The following TINAG variants were observed in gnomAD, a reference collection of about 807,000 sequenced individuals.
TINAG encodes the protein tubulointerstitial nephritis antigen.
In TINAG, 83 loss-of-function variants were observed where a neutral mutation model predicts 72.7. The observed-to-expected ratio is 1.14, with a 90% CI of 0.96 to 1.37. TINAG has a LOEUF of 1.37. TINAG is among the 40% of genes most tolerant of loss of function. The probability of loss-of-function intolerance (pLI) is 0.00; values close to 1 mark genes in which losing one functional copy is unlikely to be tolerated. For synonymous variants in TINAG, 234 were observed against 189.9 expected, an observed-to-expected ratio of 1.23 and a Z score of -1.91; for missense variants, 685 against 576.6, an observed-to-expected ratio of 1.19 and a Z score of -1.93.
chr6:54,325,377 A>G (rs1784580246), intron 3 of TINAG, among the ~76,000 whole-genome samples: 1 of 152,190 alleles, frequency 6.6e-6, no homozygotes, highest in African/African-American at 2.4e-5. Flanking sequence ...TAAATGCTAA[A>G]TTGGATTAAA....
chr6:54,347,330 A>G (rs375073222), intron 5 of TINAG, 37 bp from the exon 6 acceptor site: 3 of 1,606,448 alleles, frequency 1.9e-6, no homozygotes, highest in Non-Finnish European at 2.6e-6. Flanking sequence ...AATACCGTGT[A>G]TCATTTCAAT....
intron 3 of TINAG, among the ~76,000 whole-genome samples, chr6:54,322,028 G>A (rs1189751375): frequency 2.0e-5 from 3 of 152,130 alleles, no homozygotes; most frequent in Non-Finnish European, 2.9e-5. Flanking sequence ...CTGGCCCGGC[G>A]AGGTGGCTTA....
In TINAG at chr6:54,381,119, C is replaced by CTATAGGATATATA. The variant is rs1489242606; in HGVS notation, c.1296+550_1296+551insTAGGATATATATA. Reference sequence around the variant, plus strand: ...GATAGGATATATATGTATATGTAACCTACAGGATATATATACACACATATG... The same window carrying CTATAGGATATATA: ...GATAGGATATATATGTATATGTAACCTATAGGATATATATACAGGATATATATACACACATATG... On this transcript the variant is annotated intron_variant, in intron 10 of 10. Coordinates refer to ENST00000259782, the MANE Select transcript of TINAG (RefSeq NM_014464.4). Among the ~76,000 whole-genome samples the CTATAGGATATATA allele has an allele frequency of 1.5e-3, 219 of 148,494 alleles. 5 individuals are homozygous for CTATAGGATATATA. Among genetic ancestry groups the CTATAGGATATATA allele is most frequent in the African/African-American group, 5.0e-3 (201 of 40,560 alleles).
chr6:54,347,672 T>C (rs1166995693), intron 6 of TINAG, among the ~76,000 whole-genome samples, 155 bp downstream of exon 6: 3 of 152,278 alleles, frequency 2.0e-5, no homozygotes, highest in African/African-American at 7.2e-5. Flanking sequence ...AAATGTATAC[T>C]ATATTTCTTA....
chr6:54,320,528 A>T, intron 1 of TINAG, 51 bp from the exon 2 acceptor site: 3 of 1,407,702 alleles, frequency 2.1e-6, no homozygotes, highest in East Asian at 2.3e-5. Flanking sequence ...ATGTTAATGC[A>T]CTTTATTACT....
chr6:54,308,473 C>A lies in TINAG; in HGVS notation c.-78C>A. ...CTGAAGTGTCTTAATGACTAGAATTCAGGTTCCAAGGAGAAGCCCACAAGG... is the reference window on the plus strand; with the variant it reads ...CTGAAGTGTCTTAATGACTAGAATTAAGGTTCCAAGGAGAAGCCCACAAGG... On this transcript the variant is annotated 5_prime_UTR_variant, in exon 1 of 11. Transcript: ENST00000259782. The A allele has an allele frequency of 1.6e-6, 2 of 1,238,094 alleles. No individual in the cohort carries two copies. The highest frequency in any genetic ancestry group is 2.4e-5 in the Admixed American group (1 of 41,216). 76.7% of individuals were successfully genotyped at this position (1,238,094 alleles called of 1,614,324 possible).
intron 4 of TINAG, among the ~76,000 whole-genome samples, chr6:54,334,969 CT>C (rs1220095291): frequency 6.6e-6 from 1 of 151,194 alleles, no homozygotes; most frequent in Non-Finnish European, 1.5e-5. Flanking sequence ...TGTTTTATTT[CT>C]CATTTTTGTT....
intron 7 of TINAG, among the ~76,000 whole-genome samples, 166 bp downstream of exon 7, chr6:54,350,062 T>C (rs903689346): frequency 6.6e-6 from 1 of 152,036 alleles, no homozygotes; most frequent in Non-Finnish European, 1.5e-5. Context: ...AGTTTGGGTA[T>C]GATGTCTTAT....
Position 54,357,464 on chromosome 6 carries a change from G to A in TINAG, c.1250+2828G>A, listed in dbSNP as rs1446759052. The stretch of plus-strand genomic sequence containing the variant: ...ATCATCACCTGGATACCTTATTAGG[G>A]AGTAAATGCTTCAAATTCAACACTT... On this transcript the variant is annotated intron_variant, in intron 9 of 10. Coordinates refer to ENST00000259782, the MANE Select transcript of TINAG (RefSeq NM_014464.4). 4.6e-5 allele frequency among the ~76,000 whole-genome samples: 7 copies of A among 151,970 alleles called. No individual in the cohort carries two copies. The East Asian group carries it at 1.4e-3, about 30-fold the overall frequency.
intron 8 of TINAG, among the ~76,000 whole-genome samples, chr6:54,354,096 A>G (rs759601781): frequency 6.6e-6 from 1 of 151,870 alleles, no homozygotes; most frequent in Non-Finnish European, 1.5e-5. Flanking sequence ...TATGAGGATT[A>G]ACAACAATTG....
chr6:54,311,789 C>A (rs1784264539), intron 1 of TINAG, among the ~76,000 whole-genome samples: 1 of 152,050 alleles, frequency 6.6e-6, no homozygotes, highest in African/African-American at 2.4e-5. Context: ...CATTAATCTT[C>A]CATAAACAGT....
rs558348762 is a variant in TINAG at position 54,322,282 on chromosome 6, T to C, written c.509+896T>C. On this transcript the variant is annotated intron_variant, in intron 3 of 10. Transcript: ENST00000259782. Reference sequence around the variant, plus strand: ...GAGATTGCGCCACTGCACTCCAGCATGGGAATCGGGGGGTGAAACCCTGTC... The same window carrying C: ...GAGATTGCGCCACTGCACTCCAGCACGGGAATCGGGGGGTGAAACCCTGTC... 2.0e-4 allele frequency among the ~76,000 whole-genome samples: 31 copies of C among 151,702 alleles called. No homozygotes were observed. In the South Asian group the frequency reaches 6.5e-3, roughly 32 times the overall value.
intron 9 of TINAG, chr6:54,366,858 A>T (rs1763442044): frequency 6.6e-6 from 1 of 151,646 alleles, no homozygotes; most frequent in Non-Finnish European, 1.5e-5. Flanking sequence ...GAAATGCCTA[A>T]TCTCACAGGG....
At chr6:54,347,294 C>CA (rs1310245476) in intron 5 of TINAG, 73 bp from the exon 6 acceptor site, 1 of 1,498,498 alleles carries the variant, frequency 6.7e-7, no homozygotes, top group East Asian at 2.3e-5. Flanking sequence ...AGGGTTCAAA[C>CA]AAAAAGGGTT....
chr6:54,384,732 A>G (rs1010155381), intron 10 of TINAG, among the ~76,000 whole-genome samples: 2 of 152,166 alleles, frequency 1.3e-5, no homozygotes, highest in African/African-American at 4.8e-5. Context: ...AAAGTTACAG[A>G]AAAAAAGTAG....
intron 10 of TINAG, among the ~76,000 whole-genome samples, chr6:54,381,092 C>T (rs1364679659): frequency 6.8e-6 from 1 of 147,074 alleles, no homozygotes; most frequent in Non-Finnish European, 1.5e-5. Context: ...TAGGATATAA[C>T]CGATAGGATA....
chr6:54,364,801 A>G (rs1035122410), intron 9 of TINAG, among the ~76,000 whole-genome samples: 10 of 151,382 alleles, frequency 6.6e-5, no homozygotes, highest in Non-Finnish European at 1.3e-4. Context: ...TCATCTGTCT[A>G]TCTAGCTCTG....
chr6:54,354,418 C>A (rs559489086), intron 8 of TINAG, 95 bp from the exon 9 acceptor site: 158 of 1,149,866 alleles, frequency 1.4e-4, no homozygotes, highest in Middle Eastern at 2.0e-4. Context: ...CATCTCCTTG[C>A]AATTTACCCA....
intron 10 of TINAG, among the ~76,000 whole-genome samples, chr6:54,383,445 T>A (rs1764008433): frequency 1.3e-5 from 2 of 152,070 alleles, no homozygotes; most frequent in Non-Finnish European, 2.9e-5. Context: ...TAAATTCTAC[T>A]AAATAAGTAG....
Sources: allele counts gnomAD v4.1 joint callset (sites outside exome capture counted in the v4.1 genomes callset), GRCh38; gene constraint gnomAD v4.1.1; transcripts MANE v1.5; gene names NCBI Gene and HGNC (gene_info 2026-07-23, HGNC 2026-07-21).